The following GNL1 variants were observed in gnomAD, a reference collection of about 807,000 sequenced individuals.
GNL1 encodes guanine nucleotide-binding protein-like 1.
Under a neutral mutation model 75.2 loss-of-function variants are expected in GNL1, and 21 were observed. The observed-to-expected ratio is 0.28, with a 90% confidence interval of 0.20 to 0.40. GNL1 has a LOEUF of 0.40. Among genes scored for constraint, GNL1 ranks in the 10% least tolerant of loss-of-function variants. GNL1 has a pLI of 1.00. For synonymous variants in GNL1, 287 were observed against 303.4 expected (o/e 0.95, Z 0.56); for missense variants, 579 against 775.0 (o/e 0.75, Z 3.00).
Position 30,547,523 on chromosome 6 carries a change from A to G in GNL1, c.1107T>C (p.Pro369=), listed in dbSNP as rs1161784453. 1 of 1,613,140 alleles carries G rather than the reference A, an allele frequency of 6.2e-7. No individual in the cohort carries two copies. Among genetic ancestry groups the G allele is most frequent in the African/African-American group, 1.3e-5 (1 of 74,880 alleles). ...GVVTIGCVGF[P]NVGKSSLING... ...TGATCAGCGAGGACTTTCCCACATT[A>G]GGGAAACCTGAGGAAGGCAAGGAAA... The change falls in exon 9 of 12, where the codon CCT becomes CCC. Residue 369 remains proline (P), a synonymous_variant. Coordinates refer to ENST00000376621, the MANE Select transcript of GNL1 (RefSeq NM_005275.5). The surrounding 1 kb of genome is among the most constrained non-coding windows in gnomAD (Gnocchi z 5.5).
intron 5 of GNL1, 53 bp downstream of exon 5, chr6:30,554,522 C>T: frequency 9.8e-7 from 1 of 1,017,820 alleles, no homozygotes; most frequent in Non-Finnish European, 1.6e-6. Flanking sequence ...TGACCTTTGC[C>T]CCTGAAAAAC....
chr6:30,555,895 G>A lies in GNL1; in HGVS notation c.74-175C>T, dbSNP rs1800137643. 1.2e-6 allele frequency: 1 copy of A among 800,252 alleles called. No homozygotes were observed. The highest frequency in any genetic ancestry group is 2.7e-5 in the East Asian group (1 of 37,390). 49.6% of individuals were successfully genotyped at this position (800,252 alleles called of 1,614,324 possible). A position where few individuals can be genotyped will look rare whatever the true frequency, so the allele number is the denominator to read the frequency against. On this transcript the variant is annotated intron_variant, in intron 1 of 11. Transcript: ENST00000376621. This position sits in a 1 kb window ranked among gnomAD's most constrained non-coding sequence, Gnocchi z 4.3. ...GCGTGGGGGGAGTCACTCCTTCAGG[G>A]AGCAGTGGGGACGGCGCCCCGTGCT...
chr6:30,548,859 C>G lies in GNL1; in HGVS notation c.1100-1329G>C, dbSNP rs1053334094. Among the ~76,000 whole-genome samples, 1 of 152,190 alleles carries G rather than the reference C, an allele frequency of 6.6e-6. No individual in the cohort carries two copies. The highest frequency in any genetic ancestry group is 2.4e-5 in the African/African-American group (1 of 41,434). ...GAAAACTCCTTAAAAGACTTACCTA[C>G]TTTTTTCACCATTTCTTCCTGCTAT... On this transcript the variant is annotated intron_variant, in intron 8 of 11. Transcript: ENST00000376621. The surrounding 1 kb of genome is among the most constrained non-coding windows in gnomAD (Gnocchi z 4.2).
In GNL1 at chr6:30,554,897, C is replaced by T; in HGVS notation, c.395G>A (p.Arg132His). 2 of 1,612,846 alleles carry T rather than the reference C, an allele frequency of 1.2e-6. No individual in the cohort carries two copies. Among genetic ancestry groups the T allele is most frequent in the Non-Finnish European group, 1.7e-6 (2 of 1,179,872 alleles). Reference protein sequence around the residue: ...QPGSVLDFPRRPPWSYEMSKE... With the variant: ...QPGSVLDFPRHPPWSYEMSKE... ...GGACATCTCATAGCTCCAAGGAGGA[C>T]GTCGAGGAAAGTCCAGAACTGGGAA... Residue 132 changes from arginine to histidine, a missense_variant, in exon 4 of 12, where the codon CGT (arginine) becomes CAT (histidine). Arg to His is a conservative substitution (Grantham distance 29). Transcript: ENST00000376621.
In GNL1 at chr6:30,541,711, C is replaced by G. The variant is rs1006181141; in HGVS notation, c.*4361G>C. 2.0e-5 allele frequency: 3 copies of G among 152,228 alleles called. No individual in the cohort carries two copies. Among genetic ancestry groups the G allele is most frequent in the African/African-American group, 7.2e-5 (3 of 41,452 alleles). The allele number at this position is 152,228 out of a possible 1,614,324, so 9.4% of individuals were successfully genotyped here. ...GTTGCGATCTCTTAATTAGCTTGAA[C>G]TGAGTTTGTATTAGAATTTATAATT... is the stretch of plus-strand genomic sequence containing the variant. On this transcript the variant is annotated 3_prime_UTR_variant, in exon 12 of 12. Transcript: ENST00000376621.
chr6:30,546,019 G>A lies in GNL1; in HGVS notation c.*53C>T, dbSNP rs1034042524. The stretch of plus-strand genomic sequence containing the variant: ...GGGTGGCAGAGGGGAGATACCCCCA[G>A]GTCAGTCCAAAAGCAAAGATACTGG... On this transcript the variant is annotated 3_prime_UTR_variant, in exon 12 of 12. Coordinates refer to ENST00000376621, the MANE Select transcript of GNL1 (RefSeq NM_005275.5). This position sits in a 1 kb window ranked among gnomAD's most constrained non-coding sequence, Gnocchi z 5.1. The A allele has an allele frequency of 1.4e-5, 18 of 1,318,288 alleles. No individual in the cohort carries two copies. Among genetic ancestry groups the A allele is most frequent in the Non-Finnish European group, 1.8e-5 (17 of 928,548 alleles). 81.7% of individuals were successfully genotyped at this position (1,318,288 alleles called of 1,614,324 possible).
In GNL1 at chr6:30,546,954, C is replaced by A. The variant is rs150836652; in HGVS notation, c.1442-118G>T. The A allele has an allele frequency of 6.8e-4, 784 of 1,147,254 alleles. 12 individuals carry two copies. In the East Asian group the frequency reaches 0.018, roughly 26 times the overall value. 71.1% of individuals were successfully genotyped at this position (1,147,254 alleles called of 1,614,324 possible). On this transcript the variant is annotated intron_variant, in intron 10 of 11. Transcript: ENST00000376621. This position sits in a 1 kb window ranked among gnomAD's most constrained non-coding sequence, Gnocchi z 5.1. ...AAAACATTCCAGGCCAGAGATCTTACTGGCTATGCAACAAAAATCTAGGGG... is the reference window on the plus strand; with the variant it reads ...AAAACATTCCAGGCCAGAGATCTTAATGGCTATGCAACAAAAATCTAGGGG...
At chr6:30,553,297 T>C (rs1417397379) in intron 6 of GNL1, 53 bp downstream of exon 6, 15 of 1,512,656 alleles carry the variant, frequency 9.9e-6, no homozygotes, top group Non-Finnish European at 1.0e-5. Context: ...TTCTCCCCTT[T>C]GTCCCCTGCC....
Position 30,547,181 on chromosome 6 carries a change from G to A in GNL1, c.1372C>T (p.His458Tyr). The change falls in exon 10 of 12, where the codon CAC (histidine) becomes TAC (tyrosine). Residue 458 changes from histidine (H) to tyrosine (Y), a missense_variant. Physicochemically the swap from His to Tyr is moderately conservative, Grantham distance 83 (BLOSUM62 2). Coordinates refer to ENST00000376621, the MANE Select transcript of GNL1 (RefSeq NM_005275.5). The surrounding 1 kb of genome is among the most constrained non-coding windows in gnomAD (Gnocchi z 5.5). ...TCCTCAGCCTCTGGGTGGCGCAGGT[G>A]GAGCAGGGCCTGCACGGGAATTCGG... Reference protein sequence around the residue: ...ASRIPVQALLHLRHPEAEDPS... With the variant: ...ASRIPVQALLYLRHPEAEDPS... 1 of 1,613,152 alleles carries A rather than the reference G, an allele frequency of 6.2e-7. No individual in the cohort carries two copies. The highest frequency in any genetic ancestry group is 8.5e-7 in the Non-Finnish European group (1 of 1,179,642).
intron 8 of GNL1, among the ~76,000 whole-genome samples, chr6:30,549,881 T>C (rs1003755192): frequency 6.7e-6 from 1 of 148,738 alleles, no homozygotes. Flanking sequence ...TGGAGTGCAG[T>C]GGTATGATCT....
Position 30,555,697 on chromosome 6 carries a change from T to A in GNL1, c.97A>T (p.Ser33Cys), listed in dbSNP as rs746069037. Residue 33 changes from serine (S) to cysteine (C), a missense_variant, in exon 2 of 12, where the codon AGT becomes TGT. Coordinates refer to ENST00000376621, the MANE Select transcript of GNL1 (RefSeq NM_005275.5). This position sits in a 1 kb window ranked among gnomAD's most constrained non-coding sequence, Gnocchi z 4.3. ...CGGCTCCCGCTGCGGCTGTTGGAAC[T>A]GGAGCGCAGCCCATCTTGAAGCCCT... ...KRGLQDGLRSSSNSRSGSRER... is the reference protein window; with the variant it reads ...KRGLQDGLRSCSNSRSGSRER... 1.2e-6 allele frequency: 2 copies of A among 1,613,650 alleles called. No homozygotes were observed. Among genetic ancestry groups the A allele is most frequent in the Non-Finnish European group, 8.5e-7 (1 of 1,179,972 alleles).
At chr6:30,551,315 G>A (rs1047632322) in intron 8 of GNL1, among the ~76,000 whole-genome samples, 1 of 152,106 alleles carries the variant, frequency 6.6e-6, no homozygotes, top group Non-Finnish European at 1.5e-5. Context: ...GGGACAGCCG[G>A]GTGAAATGAC....
At position 30,556,093 on chromosome 6, in the gene GNL1, G is replaced by A. The variant is rs750473132; in HGVS notation, c.73+38C>T. On this transcript the variant is annotated intron_variant, in intron 1 of 11. Coordinates refer to ENST00000376621, the MANE Select transcript of GNL1 (RefSeq NM_005275.5). The surrounding 1 kb of genome is among the most constrained non-coding windows in gnomAD (Gnocchi z 5.7). ...CACCCCTCCTTCCAGATGTGCGGAAGCCCGAGCCCCGCCCCCTCCTCCCGC... is the reference window on the plus strand; with the variant it reads ...CACCCCTCCTTCCAGATGTGCGGAAACCCGAGCCCCGCCCCCTCCTCCCGC... 4 of 1,592,896 alleles carry A rather than the reference G, an allele frequency of 2.5e-6. No homozygotes were observed. Among genetic ancestry groups the A allele is most frequent in the Non-Finnish European group, 2.6e-6 (3 of 1,173,144 alleles).
rs537739115 is a variant in GNL1 at position 30,550,203 on chromosome 6, G to A, written c.1099+2264C>T. 1.1e-4 allele frequency among the ~76,000 whole-genome samples: 17 copies of A among 152,032 alleles called. No individual in the cohort carries two copies. In the East Asian group the frequency reaches 1.6e-3, roughly 14 times the overall value. On this transcript the variant is annotated intron_variant, in intron 8 of 11. Transcript: ENST00000376621. ...AAATCTTTCCCAAATTCAAATTTCC[G>A]TCCTCTTCTCTCCCCTAAGCTGCTG...
Position 30,546,759 on chromosome 6 carries a change from G to A in GNL1, c.1519C>T (p.Arg507Trp), listed in dbSNP as rs1562701065. The A allele has an allele frequency of 9.9e-6, 16 of 1,608,664 alleles. No homozygotes were observed. The East Asian group carries it at 2.0e-4, about 20-fold the overall frequency. ...DVYRAANSLLRLAVDGRLSLC... is the reference protein window; with the variant it reads ...DVYRAANSLLWLAVDGRLSLC... The stretch of plus-strand genomic sequence containing the variant: ...CTGAGGCGGCCGTCCACTGCCAGCC[G>A]CAAGAGACTGTTGGCTGCTCTGTAC... The change falls in exon 11 of 12, where the codon CGG (arginine) becomes TGG (tryptophan). Residue 507 changes from arginine (R) to tryptophan (W), a missense_variant. Physicochemically the swap from Arg to Trp is moderately radical, Grantham distance 101. Coordinates refer to ENST00000376621, the MANE Select transcript of GNL1 (RefSeq NM_005275.5). This position sits in a 1 kb window ranked among gnomAD's most constrained non-coding sequence, Gnocchi z 5.1.
At chr6:30,549,398 G>C (rs1047758773) in intron 8 of GNL1, among the ~76,000 whole-genome samples, 1 of 152,130 alleles carries the variant, frequency 6.6e-6, no homozygotes, top group African/African-American at 2.4e-5. Context: ...TTTATGACCT[G>C]TGTATCTCTC....
At position 30,543,294 on chromosome 6, in the gene GNL1, G is replaced by A. The variant is rs1025358247; in HGVS notation, c.*2778C>T. 12 of 151,956 alleles carry A rather than the reference G, an allele frequency of 7.9e-5. 1 individual carries two copies. Among genetic ancestry groups the A allele is most frequent in the Admixed American group, 4.6e-4 (7 of 15,234 alleles). The allele number at this position is 151,956 out of a possible 1,614,324, so 9.4% of individuals were successfully genotyped here. On this transcript the variant is annotated 3_prime_UTR_variant, in exon 12 of 12. Transcript: ENST00000376621. The stretch of plus-strand genomic sequence containing the variant: ...AGTATCCCAATGTCCCTCCTATATG[G>A]AGCCACCACTACCCCACAGGATCCT...
At chr6:30,553,626 AC>A in intron 5 of GNL1, 69 bp from the exon 6 acceptor site, 1 of 1,060,314 alleles carries the variant, frequency 9.4e-7, no homozygotes. Flanking sequence ...CCAGCTCCCC[AC>A]TCAGCAGGTG....
rs2127381654 is a variant in GNL1, at chr6:30,555,545, C to T, written c.239+10G>A. 2 of 1,610,696 alleles carry T rather than the reference C, an allele frequency of 1.2e-6. No individual in the cohort carries two copies. Among genetic ancestry groups the T allele is most frequent in the South Asian group, 1.1e-5 (1 of 90,862 alleles). The stretch of plus-strand genomic sequence containing the variant: ...GGAAAGCCGGGACCAGCGCCCCCTC[C>T]CACCCTCACCGATTTGGGTCGTAGC... On this transcript the variant is annotated intron_variant, in intron 2 of 11. Coordinates refer to ENST00000376621, the MANE Select transcript of GNL1 (RefSeq NM_005275.5). The surrounding 1 kb of genome is among the most constrained non-coding windows in gnomAD (Gnocchi z 4.3).
Sources: gnomAD v4.1 joint callset for allele counts (sites outside exome capture counted in the v4.1 genomes callset) on GRCh38, gnomAD v4.1.1 for gene constraint, Gnocchi (gnomAD v3.1) non-coding constraint, MANE v1.5 for transcripts, NCBI Gene and HGNC (gene_info 2026-07-23, HGNC 2026-07-21) for gene names.